DCHS1: variants seen among roughly 807,000 people sequenced by gnomAD.
The protein encoded by DCHS1 is dachsous cadherin-related 1.
In DCHS1, 78 loss-of-function variants were observed where a neutral mutation model predicts 213.9. That is an observed-to-expected ratio of 0.36 (90% CI 0.30 to 0.44). DCHS1 has a LOEUF of 0.44. Ranked by LOEUF, DCHS1 falls within the 20% of genes least tolerant of loss-of-function variation. The pLI, the probability that DCHS1 is intolerant of heterozygous loss-of-function variation, is 1.00. For synonymous variants in DCHS1, 1,828 were observed against 1,873.7 expected, an observed-to-expected ratio of 0.98 and a Z score of 0.63; for missense variants, 3,946 against 4,395.9, an observed-to-expected ratio of 0.90 and a Z score of 2.89.
Position 6,629,905 on chromosome 11 carries a change from A to T in DCHS1, c.4802T>A (p.Leu1601Gln). The T allele has an allele frequency of 6.2e-7, 1 of 1,612,276 alleles. No individual in the cohort carries two copies. Among genetic ancestry groups the T allele is most frequent in the Non-Finnish European group, 8.5e-7 (1 of 1,179,092 alleles). ...GCGGTCCAACGGCCGCACCACGGAC[A>T]GCGCTCCTAGGTGAGCGGTAAGGCA... is the stretch of plus-strand genomic sequence containing the variant. ...HFRLHSSTGA[L>Q]SVVRPLDREQ... is the part of the protein sequence containing the mutation. Residue 1601 changes from leucine to glutamine, a missense_variant, in exon 11 of 21, where the codon CTG becomes CAG. By Grantham distance (113) the Leu-to-Gln change is moderately radical. Transcript: ENST00000299441.
chr11:6,623,851 C>T lies in DCHS1; in HGVS notation c.7825G>A (p.Val2609Met). The change falls in exon 21 of 21, where the codon GTG (valine) becomes ATG (methionine). Residue 2609 changes from valine (V) to methionine (M), a missense_variant. This residue lies in a region of DCHS1 where 3,384 missense variants were observed against 3,780.1 expected (regional missense o/e 0.90). Coordinates refer to ENST00000299441, the MANE Select transcript of DCHS1 (RefSeq NM_003737.4). Reference protein sequence around the residue: ...PPVFTRASYRVTVPEDTPVGA... With the variant: ...PPVFTRASYRMTVPEDTPVGA... ...ACAGGTGTGTCCTCAGGTACTGTCACACGGTAGGATGCTCGGGTAAAGACA... is the reference window on the plus strand; with the variant it reads ...ACAGGTGTGTCCTCAGGTACTGTCATACGGTAGGATGCTCGGGTAAAGACA... 6.2e-7 allele frequency: 1 copy of T among 1,612,190 alleles called. No individual in the cohort carries two copies. The highest frequency in any genetic ancestry group is 8.5e-7 in the Non-Finnish European group (1 of 1,178,452).
Sources: allele counts gnomAD v4.1 joint callset, GRCh38; gene constraint gnomAD v4.1.1; regional missense constraint gnomAD v4.1.1; transcripts MANE v1.5; gene names NCBI Gene and HGNC (gene_info 2026-07-23, HGNC 2026-07-21).